PKIG: variants seen among roughly 807,000 people sequenced by gnomAD.
The protein encoded by PKIG is cAMP-dependent protein kinase inhibitor gamma, also known as protein kinase (cAMP-dependent, catalytic) inhibitor gamma.
Under a neutral mutation model 6.8 loss-of-function variants are expected in PKIG, and 1 was observed. The ratio of observed to expected loss-of-function variants is 0.15; its 90% confidence interval spans 0.05 to 0.69. The LOEUF (loss-of-function observed/expected upper bound fraction) is 0.69, where lower values mean the gene tolerates loss of function less well. Ranked by LOEUF, PKIG falls within the 30% of genes least tolerant of loss-of-function variation. PKIG has a pLI of 0.82. For missense variants in PKIG, 77 were observed against 104.0 expected, an observed-to-expected ratio of 0.74 and a Z score of 1.13; for synonymous variants, 39 against 43.0, an observed-to-expected ratio of 0.91 and a Z score of 0.36.
At chr20:44,605,406 C>CAAAAA (rs34277645) in intron 2 of PKIG, among the ~76,000 whole-genome samples, 4 of 37,322 alleles carry the variant, frequency 1.1e-4, no homozygotes, top group East Asian at 8.1e-4. Flanking sequence ...GACTCCGTCT[C>CAAAAA]AAAAAAAAAA....
chr20:44,556,493 G>A (rs2064714503), intron 1 of PKIG, among the ~76,000 whole-genome samples: 1 of 152,100 alleles, frequency 6.6e-6, no homozygotes, highest in Admixed American at 6.6e-5. Context: ...CTTCTGAGTA[G>A]CTGGGATTAC....
At chr20:44,561,252 G>A (rs1310726992) in intron 1 of PKIG, among the ~76,000 whole-genome samples, 3 of 152,136 alleles carry the variant, frequency 2.0e-5, no homozygotes, top group African/African-American at 7.2e-5. Flanking sequence ...CAGGAGAATC[G>A]CTTGAACCCG....
At chr20:44,577,248 C>T (rs947906975) in intron 1 of PKIG, among the ~76,000 whole-genome samples, 1 of 151,908 alleles carries the variant, frequency 6.6e-6, no homozygotes, top group Non-Finnish European at 1.5e-5. Flanking sequence ...TAGCTGGGAG[C>T]CTCCTGAGTA....
intron 1 of PKIG, among the ~76,000 whole-genome samples, chr20:44,540,996 G>A (rs544598745): frequency 2.0e-5 from 3 of 152,342 alleles, no homozygotes; most frequent in Admixed American, 2.0e-4. Context: ...TTGGAGAGGG[G>A]AAGGAAGTTA....
At chr20:44,604,225 T>G (rs556005904) in intron 2 of PKIG, among the ~76,000 whole-genome samples, 92 of 152,308 alleles carry the variant, frequency 6.0e-4, no homozygotes, top group Middle Eastern at 6.8e-3. Flanking sequence ...GATGCCTTCT[T>G]AAAGAGAGGA....
upstream of PKIG, among the ~76,000 whole-genome samples, chr20:44,578,764 C>T (rs1326277490): frequency 6.6e-6 from 1 of 152,178 alleles, no homozygotes; most frequent in Non-Finnish European, 1.5e-5. Context: ...ACTAACACTG[C>T]GTAACAAATT....
At chr20:44,588,370 G>A (rs1225338801) in intron 1 of PKIG, among the ~76,000 whole-genome samples, 2 of 152,172 alleles carry the variant, frequency 1.3e-5, no homozygotes, top group Non-Finnish European at 2.9e-5. Context: ...GGCTGGGCGC[G>A]GTGGCTCATG....
chr20:44,551,992 T>C (rs1035379960), intron 1 of PKIG, among the ~76,000 whole-genome samples: 4 of 152,216 alleles, frequency 2.6e-5, no homozygotes, highest in African/African-American at 4.8e-5. Flanking sequence ...CTAGGAAATA[T>C]TCGTAATTGC....
intron 1 of PKIG, among the ~76,000 whole-genome samples, chr20:44,550,412 A>C (rs1428568129): frequency 6.6e-6 from 1 of 152,076 alleles, no homozygotes; most frequent in Non-Finnish European, 1.5e-5. Context: ...AACTGAAAAA[A>C]AAAATGGATT....
At chr20:44,553,428 G>C (rs1208770583) in intron 1 of PKIG, among the ~76,000 whole-genome samples, 1 of 152,120 alleles carries the variant, frequency 6.6e-6, no homozygotes, top group Non-Finnish European at 1.5e-5. Context: ...GTTGAACCTG[G>C]AAAGTTTGCT....
At chr20:44,541,695 C>CT (rs554662358) in intron 1 of PKIG, among the ~76,000 whole-genome samples, 16,418 of 134,736 alleles carry the variant, frequency 0.12, 1,060 homozygotes, top group South Asian at 0.17. Flanking sequence ...TCTTTAGGTT[C>CT]TTTTTTTTTT....
chr20:44,586,802 G>A (rs370414343), intron 1 of PKIG, among the ~76,000 whole-genome samples: 49 of 152,342 alleles, frequency 3.2e-4, no homozygotes, highest in African/African-American at 1.1e-3. Flanking sequence ...CTCCTTCAAA[G>A]AGTGGTTTCT....
chr20:44,553,285 C>T (rs779174021), intron 1 of PKIG, among the ~76,000 whole-genome samples: 48 of 152,262 alleles, frequency 3.2e-4, no homozygotes, highest in Non-Finnish European at 4.3e-4. Flanking sequence ...GTATGACCAA[C>T]GCCATGTAGT....
chr20:44,555,382 G>A (rs192160614), intron 1 of PKIG, among the ~76,000 whole-genome samples: 1 of 152,258 alleles, frequency 6.6e-6, no homozygotes, highest in East Asian at 1.9e-4. Flanking sequence ...TTGTTTGTTT[G>A]TCTCTCCAAA....
At chr20:44,587,421 A>G (rs555683195) in intron 1 of PKIG, among the ~76,000 whole-genome samples, 5 of 152,196 alleles carry the variant, frequency 3.3e-5, no homozygotes, top group East Asian at 1.9e-4. Context: ...GCACCTTCCT[A>G]TCCCCCGTGG....
Position 44,618,449 on chromosome 20 carries a change from TCTC to T in PKIG, c.*86_*88del. ...CCCTGGCACTGGCCCAGCAGCCTCT[TCTC>T]TGAGCTCCATGTCCCAGATAAACCA... On this transcript the variant is annotated 3_prime_UTR_variant, in exon 4 of 4. Coordinates refer to ENST00000372886, the MANE Select transcript of PKIG (RefSeq NM_001281445.2). The T allele has an allele frequency of 1.1e-6, 1 of 909,486 alleles. No individual in the cohort carries two copies. The highest frequency in any genetic ancestry group is 1.8e-6 in the Non-Finnish European group (1 of 543,304). The allele number at this position is 909,486 out of a possible 1,614,324, so 56.3% of individuals were successfully genotyped here. A position where few individuals can be genotyped will look rare whatever the true frequency, so the allele number is the denominator to read the frequency against.
At chr20:44,536,448 C>T (rs150009310) in intron 1 of PKIG, among the ~76,000 whole-genome samples, 70 of 151,942 alleles carry the variant, frequency 4.6e-4, no homozygotes, top group Non-Finnish European at 8.2e-4. Flanking sequence ...GCAGTGGCAG[C>T]GGAAAGGGAA....
intron 1 of PKIG, among the ~76,000 whole-genome samples, chr20:44,572,876 C>T (rs2064865787): frequency 6.6e-6 from 1 of 152,096 alleles, no homozygotes; most frequent in African/African-American, 2.4e-5. Flanking sequence ...TTTAGTTATC[C>T]CACGTTTGGC....
chr20:44,551,333 C>T (rs913856835), intron 1 of PKIG, among the ~76,000 whole-genome samples: 2 of 152,148 alleles, frequency 1.3e-5, no homozygotes, highest in Admixed American at 6.5e-5. Context: ...GGATTACAGG[C>T]GTGAGCCACC....
Sources: allele counts gnomAD v4.1 joint callset (sites outside exome capture counted in the v4.1 genomes callset), GRCh38; gene constraint gnomAD v4.1.1; transcripts MANE v1.5; gene names NCBI Gene and HGNC (gene_info 2026-07-23, HGNC 2026-07-21).